The following PAX7 variants were observed in gnomAD, a reference collection of about 807,000 sequenced individuals.
PAX7 encodes the protein paired box protein Pax-7.
A neutral mutation model predicts 50.7 loss-of-function variants in PAX7; 18 were observed. The ratio of observed to expected loss-of-function variants is 0.36; its 90% CI spans 0.25 to 0.53. The LOEUF is 0.53. PAX7 is among the 20% of genes least tolerant of loss of function. The probability of loss-of-function intolerance (pLI) is 0.93; values close to 1 mark genes in which losing one functional copy is unlikely to be tolerated. For missense variants in PAX7, 644 were observed against 702.9 expected (o/e 0.92, Z 0.95); for synonymous variants, 310 against 290.4 (o/e 1.07, Z -0.69).
intron 4 of PAX7, among the ~76,000 whole-genome samples, chr1:18,639,816 C>A (rs1468142498): frequency 1.3e-5 from 2 of 152,168 alleles, no homozygotes; most frequent in Non-Finnish European, 2.9e-5. Flanking sequence ...CCGCATGCAT[C>A]TGACAGTGCA....
intron 4 of PAX7, among the ~76,000 whole-genome samples, chr1:18,656,329 A>G (rs1290619742): frequency 6.6e-6 from 1 of 152,104 alleles, no homozygotes; most frequent in Non-Finnish European, 1.5e-5. Context: ...CCCTGTCTCT[A>G]TTAAAAATAC....
rs1411800682 is a variant in PAX7 at position 18,634,046 on chromosome 1, G to T, written c.86-257G>T. Among the ~76,000 whole-genome samples the T allele has an allele frequency of 6.6e-6, 1 of 152,206 alleles. No homozygotes were observed. Among genetic ancestry groups the T allele is most frequent in the Non-Finnish European group, 1.5e-5 (1 of 68,040 alleles). Reference sequence around the variant, plus strand: ...CCTCATCCCTCGTAGTGTGGCAGGAGTTGGGGGACACAGCATCTGGGGAGA... The same window carrying T: ...CCTCATCCCTCGTAGTGTGGCAGGATTTGGGGGACACAGCATCTGGGGAGA... On this transcript the variant is annotated intron_variant, in intron 1 of 8. Coordinates refer to ENST00000420770, the MANE Select transcript of PAX7 (RefSeq NM_001135254.2). This position sits in a 1 kb window ranked among gnomAD's most constrained non-coding sequence, Gnocchi z 4.0.
At chr1:18,694,998 G>A (rs563098225) in intron 5 of PAX7, among the ~76,000 whole-genome samples, 1 of 152,192 alleles carries the variant, frequency 6.6e-6, no homozygotes, top group African/African-American at 2.4e-5. Context: ...AAAGGTCTGT[G>A]GTTCTGGGAT....
chr1:18,721,973 T>C (rs1051780371), intron 7 of PAX7, among the ~76,000 whole-genome samples: 3 of 152,230 alleles, frequency 2.0e-5, no homozygotes, highest in Admixed American at 6.5e-5. Context: ...GGTTACCAGC[T>C]GTGTGATCTT....
chr1:18,689,385 G>C (rs571312445), intron 4 of PAX7, among the ~76,000 whole-genome samples: 2 of 152,098 alleles, frequency 1.3e-5, no homozygotes, highest in South Asian at 2.1e-4. Flanking sequence ...ACAGTGACTG[G>C]GGGGCTGGGT....
chr1:18,656,070 A>G (rs2088514364), intron 4 of PAX7, among the ~76,000 whole-genome samples: 1 of 152,184 alleles, frequency 6.6e-6, no homozygotes, highest in South Asian at 2.1e-4. Context: ...GGGTATTGTC[A>G]TAACGGACCC....
At chr1:18,686,370 C>G (rs576709515) in intron 4 of PAX7, among the ~76,000 whole-genome samples, 12 of 152,338 alleles carry the variant, frequency 7.9e-5, no homozygotes, top group Non-Finnish European at 2.9e-5. Flanking sequence ...ACCAGCACCC[C>G]CTGGGACCAT....
Position 18,635,233 on chromosome 1 carries a change from G to T in PAX7, c.444G>T (p.Val148=). 6.2e-7 allele frequency: 1 copy of T among 1,613,498 alleles called. No homozygotes were observed. The change falls in exon 3 of 9, where the codon GTG becomes GTT. Residue 148 remains valine, a synonymous_variant. Coordinates refer to ENST00000420770, the MANE Select transcript of PAX7 (RefSeq NM_001135254.2). ...LKDGHCDRST[V]PSGLVSSISR... is the part of the protein sequence containing the mutation. ...ATGGGCACTGTGACCGAAGCACTGT[G>T]CCCTCAGGTGAGAAGGCAGCTGAGC...
chr1:18,708,322 G>A (rs1158725273), intron 7 of PAX7, among the ~76,000 whole-genome samples: 6 of 152,102 alleles, frequency 3.9e-5, no homozygotes, highest in East Asian at 3.9e-4. Flanking sequence ...TTGGGAGGCC[G>A]AGGTGGGAGG....
chr1:18,718,126 A>G (rs1480361534), intron 7 of PAX7, among the ~76,000 whole-genome samples: 1 of 152,218 alleles, frequency 6.6e-6, no homozygotes, highest in Non-Finnish European at 1.5e-5. Flanking sequence ...TGGGGGTGTC[A>G]GGGACAGGAG....
At chr1:18,730,962 A>G (rs1369751778) in intron 7 of PAX7, among the ~76,000 whole-genome samples, 1 of 152,084 alleles carries the variant, frequency 6.6e-6, no homozygotes, top group Non-Finnish European at 1.5e-5. Context: ...AGGGAGAGGA[A>G]GGGACGGCTG....
chr1:18,711,085 G>C (rs1270909324), intron 7 of PAX7, among the ~76,000 whole-genome samples: 1 of 152,148 alleles, frequency 6.6e-6, no homozygotes, highest in South Asian at 2.1e-4. Context: ...CGCTTTCTCG[G>C]GAGGCCTCTC....
At chr1:18,647,105 A>G (rs1012598378) in intron 4 of PAX7, among the ~76,000 whole-genome samples, 4 of 151,762 alleles carry the variant, frequency 2.6e-5, no homozygotes, top group Non-Finnish European at 5.9e-5. Flanking sequence ...AAAACCCACA[A>G]CAAAACCGAG....
intron 4 of PAX7, among the ~76,000 whole-genome samples, chr1:18,637,185 G>A (rs1372849840): frequency 1.3e-5 from 2 of 152,184 alleles, no homozygotes; most frequent in African/African-American, 2.4e-5. Flanking sequence ...CCGGAAGCCC[G>A]GGAAAGGGGA....
At chr1:18,654,795 T>C (rs1231893588) in intron 4 of PAX7, among the ~76,000 whole-genome samples, 1 of 152,230 alleles carries the variant, frequency 6.6e-6, no homozygotes, top group Non-Finnish European at 1.5e-5. Flanking sequence ...CAGGTTTTAC[T>C]AATCCCATTT....
chr1:18,657,989 C>A (rs543647555), intron 4 of PAX7, among the ~76,000 whole-genome samples: 1 of 152,220 alleles, frequency 6.6e-6, no homozygotes, highest in Middle Eastern at 3.4e-3. Context: ...CCCCCAGGGC[C>A]GACGCATGAA....
intron 4 of PAX7, among the ~76,000 whole-genome samples, chr1:18,658,764 G>A (rs2088559601): frequency 6.6e-6 from 1 of 152,256 alleles, no homozygotes; most frequent in Admixed American, 6.5e-5. Flanking sequence ...CCAAGGACAC[G>A]TGGCTGGGCA....
intron 4 of PAX7, among the ~76,000 whole-genome samples, chr1:18,639,849 G>A (rs2088222628): frequency 6.6e-6 from 1 of 152,170 alleles, no homozygotes; most frequent in Admixed American, 6.5e-5. Context: ...AAAACTGACC[G>A]GATCAGACCA....
At chr1:18,699,716 A>G (rs1187883225) in intron 5 of PAX7, among the ~76,000 whole-genome samples, 1 of 151,936 alleles carries the variant, frequency 6.6e-6, no homozygotes, top group Non-Finnish European at 1.5e-5. Flanking sequence ...GCCCACCACC[A>G]TGCCCGGCTA....
Sources: gnomAD v4.1 joint callset for allele counts (sites outside exome capture counted in the v4.1 genomes callset) on GRCh38, gnomAD v4.1.1 for gene constraint, Gnocchi (gnomAD v3.1) non-coding constraint, MANE v1.5 for transcripts, NCBI Gene and HGNC (gene_info 2026-07-23, HGNC 2026-07-21) for gene names.